SIM2: variants seen among roughly 807,000 people sequenced by gnomAD.
SIM2 encodes the protein SIM bHLH transcription factor 2, also known as single-minded homolog 2.
Under a neutral mutation model 64.8 loss-of-function variants are expected in SIM2, and 28 were observed. The observed-to-expected ratio is 0.43, with a 90% CI of 0.32 to 0.59. The LOEUF is 0.59. Among genes scored for constraint, SIM2 ranks in the 20% least tolerant of loss-of-function variants. The probability of loss-of-function intolerance (pLI) is 0.07; values close to 1 mark genes in which losing one functional copy is unlikely to be tolerated. For missense variants in SIM2, 847 were observed against 871.4 expected (o/e 0.97, Z 0.35); for synonymous variants, 408 against 391.1 (o/e 1.04, Z -0.51).
intron 7 of SIM2, 44 bp downstream of exon 7, chr21:36,731,195 G>A (rs1169091383): frequency 2.0e-6 from 3 of 1,470,672 alleles, no homozygotes; most frequent in East Asian, 2.3e-5. Context: ...AGCTGGTCAG[G>A]GAGGAGGCGC....
At chr21:36,744,174 G>A (rs1188873388) in intron 9 of SIM2, among the ~76,000 whole-genome samples, 7 of 152,148 alleles carry the variant, frequency 4.6e-5, no homozygotes, top group Admixed American at 4.6e-4. Flanking sequence ...GGAGGTTGCA[G>A]TGAGCTGAGA....
chr21:36,705,298 G>A (rs1342350380), intron 1 of SIM2, among the ~76,000 whole-genome samples: 1 of 152,240 alleles, frequency 6.6e-6, no homozygotes, highest in Non-Finnish European at 1.5e-5. Context: ...CTCCCGCCAC[G>A]CACATATCCT....
chr21:36,709,179 G>T lies in SIM2; in HGVS notation c.187G>T (p.Ala63Ser), dbSNP rs369631270. The stretch of plus-strand genomic sequence containing the variant: ...CGTCCCTCGTCCAGGTTTAGGAGAC[G>T]CGTGGGGACAGCCGAGCCGCGCCGG... ...RAVFPEGLGD[A>S]WGQPSRAGPL... The change falls in exon 2 of 11, where the codon GCG becomes TCG. Residue 63 changes from alanine to serine, a missense_variant. Ala to Ser is a moderately conservative substitution (Grantham distance 99). This residue lies in a region of SIM2 where 397 missense variants were observed against 439.2 expected (regional missense o/e 0.90). Coordinates refer to ENST00000290399, the MANE Select transcript of SIM2 (RefSeq NM_005069.6). 5.0e-6 allele frequency: 8 copies of T among 1,609,122 alleles called. No homozygotes were observed. The highest frequency in any genetic ancestry group is 1.7e-5 in the Admixed American group (1 of 59,552).
chr21:36,734,392 T>C (rs1019764694), intron 7 of SIM2, among the ~76,000 whole-genome samples: 1 of 152,224 alleles, frequency 6.6e-6, no homozygotes. Context: ...GGGGCATGGC[T>C]TTCTTTTCCA....
rs145360261 is a variant in SIM2, at chr21:36,741,802, C to T, written c.936C>T (p.Thr312=). ...GGGTGTGGGTGCAGAGCTACGCCAC[C>T]GTGGTGCACAACAGCCGCTCGTCCC... The part of the protein sequence containing the change: ...GGWVWVQSYA[T]VVHNSRSSRP... The change falls in exon 8 of 11, where the codon ACC becomes ACT. Residue 312 remains threonine (T), a synonymous_variant. Transcript: ENST00000290399. 2.6e-4 allele frequency: 419 copies of T among 1,611,798 alleles called. No homozygotes were observed. Among genetic ancestry groups the T allele is most frequent in the Non-Finnish European group, 3.2e-4 (381 of 1,179,546 alleles).
chr21:36,744,375 G>A (rs184423736), intron 9 of SIM2, among the ~76,000 whole-genome samples: 5 of 147,764 alleles, frequency 3.4e-5, no homozygotes, highest in South Asian at 4.3e-4. Context: ...AAGGAAAGAC[G>A]GAAGGAAGGA....
At chr21:36,719,992 C>A in intron 4 of SIM2, 63 bp downstream of exon 4, 2 of 1,196,434 alleles carry the variant, frequency 1.7e-6, no homozygotes, top group Non-Finnish European at 2.5e-6. Flanking sequence ...TTAAATGGAA[C>A]TCAGGGCTTT....
intron 2 of SIM2, 72 bp downstream of exon 2, chr21:36,709,322 A>C: frequency 7.9e-7 from 1 of 1,273,182 alleles, no homozygotes; most frequent in Non-Finnish European, 1.1e-6. Flanking sequence ...CCCAGCCTCC[A>C]GGCGTCCCTT....
intron 7 of SIM2, among the ~76,000 whole-genome samples, chr21:36,740,259 C>T (rs2089144545): frequency 6.6e-6 from 1 of 152,120 alleles, no homozygotes; most frequent in African/African-American, 2.4e-5. Flanking sequence ...CCTCGTGCTT[C>T]AGCCCCTGGC....
chr21:36,741,665 A>G lies in SIM2; in HGVS notation c.851-52A>G, dbSNP rs554960096. 1.4e-5 allele frequency: 23 copies of G among 1,598,954 alleles called. No individual in the cohort carries two copies. The African/African-American group carries it at 2.5e-4, about 18-fold the overall frequency. On this transcript the variant is annotated intron_variant, in intron 7 of 10. Coordinates refer to ENST00000290399, the MANE Select transcript of SIM2 (RefSeq NM_005069.6). ...AGGTCACCGTTGGGGGCAGCATCCC[A>G]GAGGTGGGGCCTGCGAAGCGTCTGA...
At chr21:36,742,241 C>T (rs2089171330) in intron 8 of SIM2, among the ~76,000 whole-genome samples, 1 of 152,078 alleles carries the variant, frequency 6.6e-6, no homozygotes, top group African/African-American at 2.4e-5. Context: ...TTGTGCTATC[C>T]ATGCCTATAA....
intron 8 of SIM2, 132 bp from the exon 9 acceptor site, chr21:36,743,255 C>A (rs958113113): frequency 4.7e-5 from 37 of 793,070 alleles, no homozygotes; most frequent in Non-Finnish European, 7.3e-5. Flanking sequence ...TGTCTCAAAT[C>A]CCATCCACAT....
At position 36,749,508 on chromosome 21, in the gene SIM2, A is replaced by G. The variant is rs2089302557; in HGVS notation, c.*1416A>G. On this transcript the variant is annotated 3_prime_UTR_variant, in exon 11 of 11. Transcript: ENST00000290399. ...TTAGTGAGGACCTGACACAATCCCTACAGGGTGTCTGTCAGTGGGCCTCAT... is the reference window on the plus strand; with the variant it reads ...TTAGTGAGGACCTGACACAATCCCTGCAGGGTGTCTGTCAGTGGGCCTCAT... The G allele has an allele frequency of 1.4e-5, 2 of 144,566 alleles. No homozygotes were observed. The highest frequency in any genetic ancestry group is 4.3e-4 in the South Asian group (2 of 4,644). The allele number at this position is 144,566 out of a possible 1,614,324, so 9.0% of individuals were successfully genotyped here.
At chr21:36,743,581 G>C in intron 9 of SIM2, 26 bp downstream of exon 9, 1 of 1,607,310 alleles carries the variant, frequency 6.2e-7, no homozygotes, top group Non-Finnish European at 8.5e-7. Flanking sequence ...TGCAGTTTTG[G>C]GGTGCTGACA....
Position 36,719,430 on chromosome 21 carries a change from G to T in SIM2, c.349-391G>T, listed in dbSNP as rs530048900. ...GCCTTCTGGCCACCCAGTCCCCTCA[G>T]ATCGCCAGCAAGGGAAGGACAGAGA... On this transcript the variant is annotated intron_variant, in intron 3 of 10. Transcript: ENST00000290399. 5.9e-5 allele frequency among the ~76,000 whole-genome samples: 9 copies of T among 152,358 alleles called. No homozygotes were observed. The South Asian group carries it at 1.9e-3, about 32-fold the overall frequency.
chr21:36,712,708 G>A (rs2088693756), intron 3 of SIM2, 86 bp downstream of exon 3: 1 of 868,072 alleles, frequency 1.2e-6, no homozygotes. Context: ...TTGAAAATGA[G>A]TCTGTTTAAG....
intron 7 of SIM2, among the ~76,000 whole-genome samples, chr21:36,732,068 A>G (rs1435670785): frequency 2.0e-5 from 3 of 152,070 alleles, no homozygotes; most frequent in Non-Finnish European, 4.4e-5. Flanking sequence ...TTTTTAGTAG[A>G]GACGGGGTTT....
At chr21:36,706,012 G>A (rs1005186407) in intron 1 of SIM2, among the ~76,000 whole-genome samples, 2 of 152,156 alleles carry the variant, frequency 1.3e-5, no homozygotes, top group African/African-American at 4.8e-5. Context: ...CCCTCATGAA[G>A]GGGGACGGCC....
intron 7 of SIM2, 65 bp from the exon 8 acceptor site, chr21:36,741,652 G>C: frequency 1.3e-6 from 2 of 1,578,946 alleles, no homozygotes; most frequent in Non-Finnish European, 1.7e-6. Flanking sequence ...GTCACCGTTG[G>C]GGGCAGCATC....
Sources: gnomAD v4.1 joint callset for allele counts (sites outside exome capture counted in the v4.1 genomes callset) on GRCh38, gnomAD v4.1.1 for gene constraint, gnomAD v4.1.1 regional missense constraint, MANE v1.5 for transcripts, NCBI Gene and HGNC (gene_info 2026-07-23, HGNC 2026-07-21) for gene names.